MAGEA11: variants seen among roughly 807,000 people sequenced by gnomAD.
MAGEA11 encodes the protein MAGE family member A11.
MAGEA11 carries 1 observed loss-of-function variant against 8.4 expected under a neutral mutation model. The ratio of observed to expected loss-of-function variants is 0.12; its 90% CI spans 0.04 to 0.57. The LOEUF (loss-of-function observed/expected upper bound fraction) is 0.57. MAGEA11 is among the 20% of genes least tolerant of loss of function. The pLI, the probability that MAGEA11 is intolerant of heterozygous loss-of-function variation, is 0.91. For missense variants in MAGEA11, 209 were observed against 317.3 expected, an observed-to-expected ratio of 0.66 and a Z score of 2.59; for synonymous variants, 127 against 119.3, an observed-to-expected ratio of 1.06 and a Z score of -0.42.
At chrX:149,710,495 C>T (rs2090395083), upstream of MAGEA11, among the ~76,000 whole-genome samples, 1 of 111,751 alleles carries the variant, frequency 8.9e-6, no homozygotes, top group Non-Finnish European at 1.9e-5. Context: ...ATTTCCAAGG[C>T]TGGAGTGCAG....
At chrX:149,697,951 A>G (rs1268936293) in intron 1 of MAGEA11, among the ~76,000 whole-genome samples, 2 of 111,794 alleles carry the variant, frequency 1.8e-5, no homozygotes, top group African/African-American at 6.5e-5. Context: ...GAAGACGGAC[A>G]TGTTTGCTTC....
At chrX:149,704,762 C>G (rs1270198876) in intron 1 of MAGEA11, among the ~76,000 whole-genome samples, 1 of 112,455 alleles carries the variant, frequency 8.9e-6, no homozygotes, top group Admixed American at 9.4e-5. Flanking sequence ...TGTGCCCTGC[C>G]TTGCTGTGTA....
intron 1 of MAGEA11, among the ~76,000 whole-genome samples, chrX:149,705,840 C>T (rs2090374822): frequency 8.9e-6 from 1 of 111,988 alleles, no homozygotes; most frequent in Non-Finnish European, 1.9e-5. Context: ...ATATGCTAGA[C>T]CCTGGAAATG....
upstream of MAGEA11, chrX:149,711,707 A>G (rs1557361912): frequency 8.2e-6 from 3 of 364,826 alleles, no homozygotes; most frequent in Non-Finnish European, 1.1e-5. Context: ...TCAGCCCCGG[A>G]AGACCTTGGC....
rs183239060 is a variant in MAGEA11, at chrX:149,714,387, C to A, written c.97-94C>A. The A allele has an allele frequency of 4.7e-4, 527 of 1,121,341 alleles. 1 individual carries two copies. In the African/African-American group the frequency reaches 6.4e-3, roughly 14 times the overall value. The allele number at this position is 1,121,341 out of a possible 1,213,427, so 92.4% of individuals were successfully genotyped here. A position where few individuals can be genotyped will look rare whatever the true frequency, so the allele number is the denominator to read the frequency against. The stretch of plus-strand genomic sequence containing the variant: ...AGGAGGACTTTGGAATCCCCAGAAC[C>A]GAAGGGTCCAGCCTCTGCTGTCAGC... On this transcript the variant is annotated intron_variant, in intron 2 of 4. Transcript: ENST00000355220.
chrX:149,695,276 C>T (rs140098081), intron 1 of MAGEA11, among the ~76,000 whole-genome samples: 15 of 111,079 alleles, frequency 1.4e-4, no homozygotes, highest in Non-Finnish European at 2.8e-4. Context: ...AATAATGTGA[C>T]AATTTCAACT....
intron 1 of MAGEA11, among the ~76,000 whole-genome samples, chrX:149,691,123 A>G (rs1385682355): frequency 5.4e-5 from 6 of 111,196 alleles, no homozygotes; most frequent in Admixed American, 9.5e-5. Flanking sequence ...ATGATTATCA[A>G]ATGCCTTGGT....
At chrX:149,691,027 G>A (rs1308925967) in intron 1 of MAGEA11, among the ~76,000 whole-genome samples, 3 of 111,179 alleles carry the variant, frequency 2.7e-5, no homozygotes, top group African/African-American at 9.8e-5. Flanking sequence ...TTGTTCCTTT[G>A]TAGGTAATGT....
upstream of MAGEA11, among the ~76,000 whole-genome samples, chrX:149,708,524 G>T (rs1001058805): frequency 1.8e-4 from 20 of 112,110 alleles, no homozygotes; most frequent in African/African-American, 6.2e-4. Flanking sequence ...GAAGATATTT[G>T]GAGAGAGACC....
At chrX:149,710,621 C>A (rs1557361836), upstream of MAGEA11, among the ~76,000 whole-genome samples, 1 of 110,364 alleles carries the variant, frequency 9.1e-6, no homozygotes, top group Non-Finnish European at 1.9e-5. Flanking sequence ...GCTAATTTTT[C>A]ATTTCTTTTT....
intron 1 of MAGEA11, among the ~76,000 whole-genome samples, chrX:149,690,812 A>T (rs2090307343): frequency 9.0e-6 from 1 of 111,122 alleles, no homozygotes; most frequent in African/African-American, 3.3e-5. Context: ...TTACTTTAAC[A>T]TTTCTTCTAG....
In MAGEA11 at chrX:149,706,378, G is replaced by A. The variant is rs192214955; in HGVS notation, c.10-8103G>A. Among the ~76,000 whole-genome samples the A allele has an allele frequency of 8.3e-4, 92 of 111,045 alleles. 1 individual carries two copies. The highest frequency in any genetic ancestry group is 2.7e-3 in the African/African-American group (81 of 30,505). ...CTTTGGGTAGCTGACAAAACAGTTC[G>A]GCATCACCTCTCTGGATCAAGTTTA... On this transcript the variant is annotated intron_variant, in intron 1 of 3. Coordinates refer to the MAGEA11 transcript ENST00000333104.
chrX:149,716,780 T>A lies in MAGEA11; in HGVS notation c.*4T>A, dbSNP rs782097172. ...AGAGGAGGGAGAGGGAGTCTGAGCA[T>A]GAGATGCAACCAGGGCCAGCGGGCA... On this transcript the variant is annotated 3_prime_UTR_variant, in exon 5 of 5. Coordinates refer to ENST00000355220, the MANE Select transcript of MAGEA11 (RefSeq NM_005366.5). 8.5e-7 allele frequency: 1 copy of A among 1,182,312 alleles called. No individual in the cohort carries two copies. The highest frequency in any genetic ancestry group is 1.1e-6 in the Non-Finnish European group (1 of 880,677).
chrX:149,695,806 C>CA (rs1472413524), intron 1 of MAGEA11, among the ~76,000 whole-genome samples: 3 of 111,812 alleles, frequency 2.7e-5, no homozygotes, highest in Non-Finnish European at 5.6e-5. Context: ...TGTTAAATTG[C>CA]AAAAAAGTGC....
chrX:149,703,392 A>G (rs1471178803), intron 1 of MAGEA11, among the ~76,000 whole-genome samples: 1 of 112,376 alleles, frequency 8.9e-6, no homozygotes, highest in Non-Finnish European at 1.9e-5. Flanking sequence ...ATGTGGCTCT[A>G]GTACTCCTCA....
In MAGEA11 at chrX:149,716,729, C is replaced by G. The variant is rs782763686; in HGVS notation, c.1243C>G (p.Pro415Ala). 8 of 1,204,772 alleles carry G rather than the reference C, an allele frequency of 6.6e-6. No homozygotes were observed. The Admixed American group carries it at 1.3e-4, about 20-fold the overall frequency. ...NANGRDPTSY[P>A]SLYEDALREE... ...CAATGGGAGGGATCCCACTTCTTAC[C>G]CATCCCTGTATGAAGATGCTTTGAG... Residue 415 changes from proline to alanine, a missense_variant, in exon 5 of 5, where the codon CCA becomes GCA. Pro to Ala is a conservative substitution (Grantham distance 27, BLOSUM62 -1). Coordinates refer to ENST00000355220, the MANE Select transcript of MAGEA11 (RefSeq NM_005366.5).
chrX:149,696,960 CT>C (rs2090332540), intron 1 of MAGEA11, among the ~76,000 whole-genome samples: 2 of 111,952 alleles, frequency 1.8e-5, no homozygotes, highest in African/African-American at 6.5e-5. Flanking sequence ...TCCGTGGCCA[CT>C]GGCATCTTCA....
chrX:149,693,085 A>G (rs1470101929), intron 1 of MAGEA11, among the ~76,000 whole-genome samples: 2 of 112,149 alleles, frequency 1.8e-5, no homozygotes, highest in African/African-American at 6.5e-5. Flanking sequence ...ATTCTTTTCA[A>G]GTATCTTTGT....
Position 149,716,074 on chromosome X carries a change from C to T in MAGEA11, c.588C>T (p.Gly196=). 8.3e-7 allele frequency: 1 copy of T among 1,211,866 alleles called. No individual in the cohort carries two copies. ...DAIFGSLSDE[G]SGSQEKEGPS... is the part of the protein sequence containing the mutation. ...TCTTTGGGAGCCTATCTGATGAGGG[C>T]TCTGGCAGCCAAGAAAAGGAGGGGC... The change falls in exon 5 of 5, where the codon GGC becomes GGT. Residue 196 remains glycine, a synonymous_variant. Transcript: ENST00000355220.
Sources: allele counts gnomAD v4.1 joint callset (sites outside exome capture counted in the v4.1 genomes callset), GRCh38; gene constraint gnomAD v4.1.1; transcripts MANE v1.5; gene names NCBI Gene and HGNC (gene_info 2026-07-23, HGNC 2026-07-21).